MRNIP: variants seen among roughly 807,000 people sequenced by gnomAD.
The protein encoded by MRNIP is MRN complex-interacting protein.
A neutral mutation model predicts 29.8 loss-of-function variants in MRNIP; 30 were observed. The observed-to-expected ratio is 1.01, with a 90% CI of 0.75 to 1.36. The LOEUF (loss-of-function observed/expected upper bound fraction) is 1.36. MRNIP is among the 40% of genes most tolerant of loss of function. The pLI, the probability that MRNIP is intolerant of heterozygous loss-of-function variation, is 0.00. For missense variants in MRNIP, 459 were observed against 423.5 expected, an observed-to-expected ratio of 1.08 and a Z score of -0.74; for synonymous variants, 201 against 164.1, an observed-to-expected ratio of 1.23 and a Z score of -1.72.
intron 2 of MRNIP, among the ~76,000 whole-genome samples, chr5:179,848,980 G>T (rs1759242204): frequency 6.6e-6 from 1 of 151,980 alleles, no homozygotes; most frequent in Admixed American, 6.5e-5. Context: ...GTCCTGCTAT[G>T]GCACAGGCAG....
chr5:179,858,011 CAAA>C (rs762726244), intron 1 of MRNIP, among the ~76,000 whole-genome samples: 13 of 77,262 alleles, frequency 1.7e-4, no homozygotes, highest in Admixed American at 3.2e-4. Context: ...AACTCCGTCT[CAAA>C]AAAAAAAAAA....
chr5:179,838,914 G>T (rs1360423053), intron 6 of MRNIP: 3 of 151,786 alleles, frequency 2.0e-5, no homozygotes, highest in Non-Finnish European at 4.4e-5. Context: ...AGGTGTGATT[G>T]TACCATTGCA....
At chr5:179,858,623 C>T (rs1402758687) in intron 1 of MRNIP, 108 bp downstream of exon 1, 2 of 700,680 alleles carry the variant, frequency 2.9e-6, no homozygotes, top group Admixed American at 3.0e-5. Context: ...TGCACTCCTT[C>T]GGGCCCGGTG....
chr5:179,843,041 A>AGAAGGAAGGAAGGAAGGAAGGAAGGAAG (rs575675053), intron 4 of MRNIP, among the ~76,000 whole-genome samples: 6 of 106,294 alleles, frequency 5.6e-5, no homozygotes, highest in Middle Eastern at 4.7e-3. Context: ...AAAGGAGGAA[A>AGAAGGAAGGAAGGAAGGAAGGAAGGAAG]GAAGGAAGGA....
rs772785564 is a variant in MRNIP, at chr5:179,837,637, A to C, written c.786T>G (p.Ala262=). The C allele has an allele frequency of 2.5e-6, 4 of 1,614,172 alleles. No individual in the cohort carries two copies. Among genetic ancestry groups the C allele is most frequent in the Admixed American group, 1.7e-5 (1 of 60,028 alleles). The part of the protein sequence containing the change: ...RDPRPAGPAQ[A]KQGTPRAQAS... ...CCTGTGCTCTGGGGGTCCCTTGCTT[A>C]GCCTGTGCTGGACCAGCTGGCCTGG... is the stretch of plus-strand genomic sequence containing the variant. Residue 262 remains alanine, a synonymous_variant, in exon 7 of 7, where the codon GCT becomes GCG. Coordinates refer to ENST00000292586, the MANE Select transcript of MRNIP (RefSeq NM_016175.4).
In MRNIP at chr5:179,858,180, T is replaced by C. The variant is rs1419972681; in HGVS notation, c.66+551A>G. On this transcript the variant is annotated intron_variant, in intron 1 of 6. Coordinates refer to ENST00000292586, the MANE Select transcript of MRNIP (RefSeq NM_016175.4). ...ATCCGGAAAAGGTTAAGTGGCATTC[T>C]CTATCTGGCACGCTGAAAGTTAGGG... Among the ~76,000 whole-genome samples, 3 of 140,388 alleles carry C rather than the reference T, an allele frequency of 2.1e-5. No individual in the cohort carries two copies. The East Asian group carries it at 7.7e-4, about 36-fold the overall frequency. 92.1% of individuals were successfully genotyped at this position (140,388 alleles called of 152,430 possible).
chr5:179,846,352 C>T (rs953459333), intron 3 of MRNIP, among the ~76,000 whole-genome samples: 6 of 151,640 alleles, frequency 4.0e-5, no homozygotes, highest in African/African-American at 1.5e-4. Flanking sequence ...GGCACCACCT[C>T]GGAACACTGC....
intron 2 of MRNIP, among the ~76,000 whole-genome samples, chr5:179,850,018 A>G (rs1336132097): frequency 6.9e-5 from 7 of 102,156 alleles, no homozygotes; most frequent in East Asian, 3.0e-4. Context: ...TTGAGGGCTC[A>G]GGTCCCGCTA....
intron 4 of MRNIP, among the ~76,000 whole-genome samples, chr5:179,842,358 T>C (rs1186789044): frequency 1.3e-5 from 2 of 151,420 alleles, no homozygotes; most frequent in Non-Finnish European, 2.9e-5. Context: ...CCAGTCCCAG[T>C]CTTATAAAAA....
At chr5:179,856,170 T>C (rs7713219) in intron 1 of MRNIP, among the ~76,000 whole-genome samples, 63,753 of 151,658 alleles carry the variant, frequency 0.42, 14,852 homozygotes, top group East Asian at 0.78. Context: ...CCTCCCAAAG[T>C]GCTGGGATTA....
intron 6 of MRNIP, chr5:179,838,814 T>C (rs1758737507): frequency 6.6e-6 from 1 of 151,984 alleles, no homozygotes; most frequent in African/African-American, 2.4e-5. Flanking sequence ...CCCCCTCTTC[T>C]ACAAAAAATT....
intron 2 of MRNIP, among the ~76,000 whole-genome samples, chr5:179,850,577 G>A (rs964966956): frequency 9.2e-5 from 14 of 152,204 alleles, no homozygotes; most frequent in African/African-American, 2.7e-4. Context: ...AGAGACCACT[G>A]CTGACGCTGA....
chr5:179,855,953 G>A (rs1249291177), intron 1 of MRNIP, among the ~76,000 whole-genome samples: 1 of 141,582 alleles, frequency 7.1e-6, no homozygotes, highest in African/African-American at 2.8e-5. Context: ...CTGTTGCCCA[G>A]GCTGGAGCAC....
rs1304435976 is a variant in MRNIP, at chr5:179,837,889, A to G, written c.538-4T>C. 6.2e-7 allele frequency: 1 copy of G among 1,601,272 alleles called. No individual in the cohort carries two copies. Among genetic ancestry groups the G allele is most frequent in the Non-Finnish European group, 8.5e-7 (1 of 1,178,022 alleles). Reference sequence around the variant, plus strand: ...TCCATGTCAGGCCAGCCTGTCCCTGAAAGAGAAGATGGCCATGCCCTCCAT... The same window carrying G: ...TCCATGTCAGGCCAGCCTGTCCCTGGAAGAGAAGATGGCCATGCCCTCCAT... On this transcript the variant is annotated splice_region_variant and splice_polypyrimidine_tract_variant and intron_variant, in intron 6 of 6. Transcript: ENST00000292586.
intron 5 of MRNIP, 174 bp from the exon 6 acceptor site, chr5:179,841,133 G>A (rs1706157103): frequency 3.4e-6 from 2 of 581,516 alleles, no homozygotes; most frequent in Admixed American, 6.2e-5. Context: ...CTGCTTCACA[G>A]CTTCTAGGTG....
At position 179,849,811 on chromosome 5, in the gene MRNIP, A is replaced by T. The variant is rs113352284; in HGVS notation, c.127-1745T>A. Among the ~76,000 whole-genome samples the T allele has an allele frequency of 1.3e-3, 171 of 128,652 alleles. No individual in the cohort carries two copies. The Middle Eastern group carries it at 0.026, about 20-fold the overall frequency. The allele number at this position is 128,652 out of a possible 152,430, so 84.4% of individuals were successfully genotyped here. ...GGCAGATGGTAAGAGATGGAATTTG[A>T]GACCATGGGTCGTGCTATGGCACAG... On this transcript the variant is annotated intron_variant, in intron 2 of 6. Coordinates refer to ENST00000292586, the MANE Select transcript of MRNIP (RefSeq NM_016175.4).
chr5:179,853,419 A>C lies in MRNIP; in HGVS notation c.85T>G (p.Trp29Gly), dbSNP rs745898421. ...QAHQVKKSVK[W>G]TCKACGEKQS... Reference sequence around the variant, plus strand: ...TTCTCTCCACAAGCTTTGCATGTCCACTTGACACTCTTTTTTACCTGCAAT... The same window carrying C: ...TTCTCTCCACAAGCTTTGCATGTCCCCTTGACACTCTTTTTTACCTGCAAT... The change falls in exon 2 of 7, where the codon TGG becomes GGG. Residue 29 changes from tryptophan to glycine, a missense_variant. By Grantham distance (184) the Trp-to-Gly change is radical. Transcript: ENST00000292586. 6.2e-7 allele frequency: 1 copy of C among 1,611,662 alleles called. No individual in the cohort carries two copies. Among genetic ancestry groups the C allele is most frequent in the Admixed American group, 1.7e-5 (1 of 59,656 alleles).
intron 6 of MRNIP, chr5:179,839,282 T>G: frequency 6.6e-6 from 1 of 150,926 alleles, no homozygotes; most frequent in Non-Finnish European, 1.5e-5. Context: ...AGTTGGGTTG[T>G]GCTGCTTACA....
At chr5:179,844,310 T>C (rs955807615) in intron 3 of MRNIP, 83 bp from the exon 4 acceptor site, 2 of 1,180,948 alleles carry the variant, frequency 1.7e-6, no homozygotes, top group South Asian at 1.2e-5. Flanking sequence ...CCCAGCACTT[T>C]GGGAGGCTGA....
Sources: gnomAD v4.1 joint callset for allele counts (sites outside exome capture counted in the v4.1 genomes callset) on GRCh38, gnomAD v4.1.1 for gene constraint, MANE v1.5 for transcripts, NCBI Gene and HGNC (gene_info 2026-07-23, HGNC 2026-07-21) for gene names.